ZNF124: variants seen among roughly 807,000 people sequenced by gnomAD.
ZNF124 encodes the protein zinc finger protein 124, also known as zinc finger protein HZF-16.
In ZNF124, 25 loss-of-function variants were observed where a neutral mutation model predicts 26.6. The ratio of observed to expected loss-of-function variants is 0.94; its 90% CI spans 0.68 to 1.31. The LOEUF is 1.31. ZNF124 is among the 40% of genes most tolerant of loss of function. ZNF124 has a pLI of 0.00. For synonymous variants in ZNF124, 129 were observed against 133.3 expected (o/e 0.97, Z 0.22); for missense variants, 444 against 422.2 (o/e 1.05, Z -0.45).
exon 4 of ZNF124, chr1:247,122,551 G>A (rs1672106438): frequency 6.6e-6 from 1 of 152,200 alleles, no homozygotes; most frequent in African/African-American, 2.4e-5. Flanking sequence ...ATACTATGCA[G>A]CCATAAAAAA....
chr1:247,144,751 C>T (rs535293169), intron 3 of ZNF124, among the ~76,000 whole-genome samples: 5 of 151,564 alleles, frequency 3.3e-5, no homozygotes, highest in East Asian at 1.9e-4. Context: ...TTGCATTTAG[C>T]GGAAAGGAAG....
At chr1:247,145,408 C>G (rs182712204) in intron 3 of ZNF124, among the ~76,000 whole-genome samples, 52 of 152,268 alleles carry the variant, frequency 3.4e-4, no homozygotes, top group African/African-American at 1.2e-3. Flanking sequence ...TGAGCAGTGA[C>G]AAGGTATTAA....
In ZNF124 at chr1:247,126,246, C is replaced by G. The variant is rs563929493; in HGVS notation, c.219-2375G>C. On this transcript the variant is annotated intron_variant, in intron 3 of 3. Coordinates refer to the ZNF124 transcript ENST00000472531. ...TGGGTCCCAACCCAGAGAGGAAACC[C>G]TCTTGGAGAAGAGCTGTAGCCAGAA... 7.2e-3 allele frequency among the ~76,000 whole-genome samples: 997 copies of G among 137,918 alleles called. 15 individuals are homozygous for G. The highest frequency in any genetic ancestry group is 0.025 in the African/African-American group (903 of 35,896). 90.5% of individuals were successfully genotyped at this position (137,918 alleles called of 152,430 possible).
At position 247,155,860 on chromosome 1, in the gene ZNF124, CAAAAA is replaced by C; in HGVS notation, c.*701_*705del. ...TGGGCGACAAAGTGAGACTCCATCTCAAAAAAAAAAAAAAAAGTCTCACCTCAATT... is the reference window on the plus strand; with the variant it reads ...TGGGCGACAAAGTGAGACTCCATCTCAAAAAAAAAAAGTCTCACCTCAATT... On this transcript the variant is annotated 3_prime_UTR_variant, in exon 4 of 4. Transcript: ENST00000543802. 2 of 664,292 alleles carry C rather than the reference CAAAAA, an allele frequency of 3.0e-6. No homozygotes were observed. The highest frequency in any genetic ancestry group is 3.5e-6 in the Non-Finnish European group (2 of 567,152). The allele number at this position is 664,292 out of a possible 1,614,324, so 41.1% of individuals were successfully genotyped here. A position where few individuals can be genotyped will look rare whatever the true frequency, so the allele number is the denominator to read the frequency against.
In ZNF124 at chr1:247,155,285, A is replaced by G. The variant is rs1673062813; in HGVS notation, c.*1281T>C. Among the ~76,000 whole-genome samples the G allele has an allele frequency of 6.6e-6, 1 of 152,162 alleles. No individual in the cohort carries two copies. The highest frequency in any genetic ancestry group is 6.5e-5 in the Admixed American group (1 of 15,278). On this transcript the variant is annotated 3_prime_UTR_variant, in exon 4 of 4. Coordinates refer to ENST00000543802, the MANE Select transcript of ZNF124 (RefSeq NM_001297568.2). ...CATTTATCAATGGCCAATTAATAAC[A>G]AAATAATTAAACTACACAGAAGTTA...
chr1:247,169,811 G>GAA (rs1283576975), intron 1 of ZNF124, among the ~76,000 whole-genome samples: 8 of 53,126 alleles, frequency 1.5e-4, no homozygotes, highest in Non-Finnish European at 3.3e-4. Flanking sequence ...GGTAAGAGAA[G>GAA]AAAAAAAAAT....
chr1:247,157,577 C>A, intron 3 of ZNF124, 174 bp from the exon 4 acceptor site: 1 of 638,348 alleles, frequency 1.6e-6, no homozygotes, highest in Non-Finnish European at 2.8e-6. Context: ...CAAAAAATGA[C>A]AACCCCATCA....
chr1:247,162,382 G>A (rs1223986945), intron 1 of ZNF124, among the ~76,000 whole-genome samples: 3 of 151,946 alleles, frequency 2.0e-5, no homozygotes, highest in East Asian at 3.9e-4. Context: ...ATGCAATGAC[G>A]CCCACACATT....
chr1:247,146,400 C>T (rs1672780101), intron 3 of ZNF124, among the ~76,000 whole-genome samples: 1 of 152,244 alleles, frequency 6.6e-6, no homozygotes, highest in East Asian at 1.9e-4. Flanking sequence ...CAAATTGACC[C>T]ACCTCAAAAT....
At position 247,149,641 on chromosome 1, in the gene ZNF124, G is replaced by A. The variant is rs202031823; in HGVS notation, c.218+9365C>T. ...GATGGAGCTTAAAAACATTGAACTC[G>A]TAGAAACAGACTACATAGTGGTTTC... On this transcript the variant is annotated intron_variant, in intron 3 of 3. Transcript: ENST00000472531. Among the ~76,000 whole-genome samples the A allele has an allele frequency of 1.3e-4, 20 of 152,276 alleles. No homozygotes were observed. In the East Asian group the frequency reaches 3.7e-3, roughly 28 times the overall value.
intron 3 of ZNF124, among the ~76,000 whole-genome samples, chr1:247,125,171 A>G (rs1422610988): frequency 6.6e-6 from 1 of 152,134 alleles, no homozygotes; most frequent in East Asian, 1.9e-4. Context: ...TCTGACGGAC[A>G]CTGGAGACTT....
At chr1:247,143,192 A>T (rs1425016137) in intron 3 of ZNF124, among the ~76,000 whole-genome samples, 1 of 152,170 alleles carries the variant, frequency 6.6e-6, no homozygotes, top group African/African-American at 2.4e-5. Context: ...ATATACCACA[A>T]ATCAGTTTGA....
intron 3 of ZNF124, among the ~76,000 whole-genome samples, chr1:247,140,886 G>A (rs1196794516): frequency 5.3e-5 from 8 of 152,082 alleles, no homozygotes. Context: ...TGAAAGTGTG[G>A]GCTTCTCTCC....
intron 3 of ZNF124, among the ~76,000 whole-genome samples, chr1:247,141,541 T>C (rs1346311135): frequency 6.6e-6 from 1 of 151,936 alleles, no homozygotes; most frequent in Non-Finnish European, 1.5e-5. Context: ...AGGTTCTTTG[T>C]TTCTTCCCCA....
Position 247,155,860 on chromosome 1 carries a change from C to CA in ZNF124, c.*705dup, listed in dbSNP as rs35031827. The CA allele has an allele frequency of 0.26, 170,290 of 654,712 alleles. 6,622 individuals carry two copies. The highest frequency in any genetic ancestry group is 0.5 in the African/African-American group (18,681 of 37,196). 40.6% of individuals were successfully genotyped at this position (654,712 alleles called of 1,614,324 possible). Reference sequence around the variant, plus strand: ...TGGGCGACAAAGTGAGACTCCATCTCAAAAAAAAAAAAAAAAGTCTCACCT... The same window carrying CA: ...TGGGCGACAAAGTGAGACTCCATCTCAAAAAAAAAAAAAAAAAGTCTCACCT... On this transcript the variant is annotated 3_prime_UTR_variant, in exon 4 of 4. Transcript: ENST00000543802.
In ZNF124 at chr1:247,155,487, G is replaced by GA. The variant is rs1412619644; in HGVS notation, c.*1078dup. Among the ~76,000 whole-genome samples, 1 of 152,066 alleles carries GA rather than the reference G, an allele frequency of 6.6e-6. No individual in the cohort carries two copies. The highest frequency in any genetic ancestry group is 6.5e-5 in the Admixed American group (1 of 15,270). On this transcript the variant is annotated 3_prime_UTR_variant, in exon 4 of 4. Coordinates refer to ENST00000543802, the MANE Select transcript of ZNF124 (RefSeq NM_001297568.2). ...TAACCAACACACTTTAAAATGGGTA[G>GA]AAAAAGGAAATTTATTTACCAGCTT...
chr1:247,152,407 CAG>C (rs1052722476), downstream of ZNF124, among the ~76,000 whole-genome samples: 4 of 151,244 alleles, frequency 2.6e-5, no homozygotes, highest in African/African-American at 4.8e-5. Context: ...AAAAAGAAAA[CAG>C]AGTAGGTATT....
intron 3 of ZNF124, among the ~76,000 whole-genome samples, chr1:247,145,268 T>G (rs2103108819): frequency 6.6e-6 from 1 of 152,240 alleles, no homozygotes; most frequent in South Asian, 2.1e-4. Context: ...ATCAGCCAAT[T>G]TTTAGTAGAT....
intron 1 of ZNF124, among the ~76,000 whole-genome samples, chr1:247,160,227 G>T (rs1367978854): frequency 6.6e-6 from 1 of 152,104 alleles, no homozygotes; most frequent in East Asian, 1.9e-4. Flanking sequence ...CTCGTGATCT[G>T]CCTGTCTTGG....
Sources: allele counts gnomAD v4.1 joint callset (sites outside exome capture counted in the v4.1 genomes callset), GRCh38; gene constraint gnomAD v4.1.1; transcripts MANE v1.5; gene names NCBI Gene and HGNC (gene_info 2026-07-23, HGNC 2026-07-21).